The following CNTNAP2 variants were observed in gnomAD, a reference collection of about 807,000 sequenced individuals.
CNTNAP2 encodes the protein contactin associated protein 2, also known as contactin-associated protein-like 2.
CNTNAP2 carries 98 observed loss-of-function variants against 155.2 expected under a neutral mutation model. The observed-to-expected ratio is 0.63, with a 90% CI of 0.54 to 0.75. CNTNAP2 has a LOEUF of 0.75. CNTNAP2 is among the 30% of genes least tolerant of loss of function. The pLI, the probability that CNTNAP2 is intolerant of heterozygous loss-of-function variation, is 0.00. For missense variants in CNTNAP2, 1,727 were observed against 1,688.1 expected (o/e 1.02, Z -0.40); for synonymous variants, 651 against 631.2 (o/e 1.03, Z -0.47).
chr7:146,984,827 T>C lies in CNTNAP2; in HGVS notation c.403-59080T>C, dbSNP rs556391597. On this transcript the variant is annotated intron_variant, in intron 3 of 23. Coordinates refer to ENST00000361727, the MANE Select transcript of CNTNAP2 (RefSeq NM_014141.6). ...TGGCAGTGGAAATGCTATAAATCAG[T>C]ATTGAGGTCTGGCAATTTTGCATGC... is the stretch of plus-strand genomic sequence containing the variant. 2.0e-5 allele frequency among the ~76,000 whole-genome samples: 3 copies of C among 152,230 alleles called. No individual in the cohort carries two copies. The East Asian group carries it at 5.8e-4, about 29-fold the overall frequency.
At chr7:146,661,710 CTT>C (rs996666685) in intron 1 of CNTNAP2, among the ~76,000 whole-genome samples, 12 of 136,456 alleles carry the variant, frequency 8.8e-5, no homozygotes, top group African/African-American at 2.6e-4. Context: ...GAGAGTTTTT[CTT>C]TTTCTTTCTT....
At chr7:146,306,047 A>G (rs150311627) in intron 1 of CNTNAP2, among the ~76,000 whole-genome samples, 85 of 152,254 alleles carry the variant, frequency 5.6e-4, no homozygotes, top group Non-Finnish European at 1.0e-3. Flanking sequence ...AGACGCAATA[A>G]AAAATTATAA....
intron 15 of CNTNAP2, among the ~76,000 whole-genome samples, chr7:148,033,647 G>T (rs1465715841): frequency 1.3e-5 from 2 of 152,120 alleles, no homozygotes; most frequent in Admixed American, 1.3e-4. Context: ...TTAGATTTTT[G>T]ACTGCACATA....
At chr7:146,239,673 T>C (rs777499068) in intron 1 of CNTNAP2, among the ~76,000 whole-genome samples, 4 of 152,194 alleles carry the variant, frequency 2.6e-5, no homozygotes, top group African/African-American at 7.2e-5. Context: ...TTAATAATAA[T>C]GTCTTATACT....
At chr7:147,294,422 T>C (rs913983077) in intron 8 of CNTNAP2, among the ~76,000 whole-genome samples, 8 of 152,208 alleles carry the variant, frequency 5.3e-5, no homozygotes, top group Non-Finnish European at 1.2e-4. Flanking sequence ...GAACAAATCA[T>C]CTTCACCTTT....
intron 1 of CNTNAP2, among the ~76,000 whole-genome samples, chr7:146,771,243 G>A (rs564594327): frequency 6.6e-6 from 1 of 152,016 alleles, no homozygotes; most frequent in Non-Finnish European, 1.5e-5. Context: ...GCTCTACAAG[G>A]GCAGGGCATT....
intron 9 of CNTNAP2, among the ~76,000 whole-genome samples, chr7:147,331,295 G>A (rs1795562116): frequency 6.6e-6 from 1 of 152,108 alleles, no homozygotes; most frequent in Non-Finnish European, 1.5e-5. Context: ...CGCTGGCTTG[G>A]ACGACTAGTA....
chr7:146,958,068 G>T (rs1797472422), intron 3 of CNTNAP2, among the ~76,000 whole-genome samples: 3 of 152,022 alleles, frequency 2.0e-5, no homozygotes, highest in Non-Finnish European at 4.4e-5. Context: ...CTATTCATTT[G>T]GTTTCTACTG....
At chr7:147,002,103 A>C (rs1798435888) in intron 3 of CNTNAP2, among the ~76,000 whole-genome samples, 1 of 151,978 alleles carries the variant, frequency 6.6e-6, no homozygotes. Context: ...GTGTGATAAC[A>C]AATATTAAAA....
intron 1 of CNTNAP2, among the ~76,000 whole-genome samples, chr7:146,633,853 AAAACAG>A (rs1799553366): frequency 7.3e-6 from 1 of 136,194 alleles, no homozygotes; most frequent in Admixed American, 7.3e-5. Context: ...AAAAAAAAAA[AAAACAG>A]AAACGTCTAA....
At chr7:148,206,867 T>C (rs1346915042) in intron 18 of CNTNAP2, among the ~76,000 whole-genome samples, 1 of 152,210 alleles carries the variant, frequency 6.6e-6, no homozygotes, top group African/African-American at 2.4e-5. Context: ...TGTAGATTCC[T>C]ATTATTTTGT....
Position 146,770,317 on chromosome 7 carries a change from TACACAC to T in CNTNAP2, c.98-3926_98-3921del, listed in dbSNP as rs60507060. ...AATTATATATATATATGTGTGTGTA[TACACAC>T]ACACACACACACACACACACACACA... On this transcript the variant is annotated intron_variant, in intron 1 of 23. Transcript: ENST00000361727. Among the ~76,000 whole-genome samples the T allele has an allele frequency of 8.9e-3, 1,284 of 143,758 alleles. 7 individuals are homozygous for T. Among genetic ancestry groups the T allele is most frequent in the South Asian group, 0.022 (99 of 4,484 alleles). 94.3% of individuals were successfully genotyped at this position (143,758 alleles called of 152,430 possible). A position where few individuals can be genotyped will look rare whatever the true frequency, so the allele number is the denominator to read the frequency against.
Position 147,061,036 on chromosome 7 carries a change from T to A in CNTNAP2, c.550+16982T>A, listed in dbSNP as rs886650810. Among the ~76,000 whole-genome samples the A allele has an allele frequency of 1.6e-4, 25 of 152,134 alleles. 1 individual carries two copies. The highest frequency in any genetic ancestry group is 6.0e-4 in the African/African-American group (25 of 41,440). ...ATTACTATAATCGCTGAAAGACAAA[T>A]GCTGTATGATTCAACTTATATAAGG... On this transcript the variant is annotated intron_variant, in intron 4 of 23. Transcript: ENST00000361727.
chr7:147,758,019 T>C (rs1019949248), intron 13 of CNTNAP2, among the ~76,000 whole-genome samples: 4 of 152,104 alleles, frequency 2.6e-5, no homozygotes, highest in African/African-American at 9.7e-5. Flanking sequence ...AAAACTGTGA[T>C]GAAAGAAAAA....
At chr7:147,677,344 T>C (rs1038183849) in intron 13 of CNTNAP2, among the ~76,000 whole-genome samples, 5 of 151,924 alleles carry the variant, frequency 3.3e-5, no homozygotes, top group African/African-American at 1.2e-4. Flanking sequence ...ATTTTTAAAT[T>C]GAGCTATTTG....
At chr7:146,242,541 A>C (rs1473845054) in intron 1 of CNTNAP2, among the ~76,000 whole-genome samples, 1 of 151,850 alleles carries the variant, frequency 6.6e-6, no homozygotes, top group African/African-American at 2.4e-5. Context: ...CTGTCTCAAA[A>C]AAAAAAAAGG....
intron 1 of CNTNAP2, among the ~76,000 whole-genome samples, chr7:146,200,713 C>T (rs1416351288): frequency 6.6e-6 from 1 of 152,008 alleles, no homozygotes; most frequent in Admixed American, 6.6e-5. Context: ...GTAGATTATG[C>T]CATCTAGGAT....
chr7:147,596,018 T>C (rs745773454), intron 12 of CNTNAP2, among the ~76,000 whole-genome samples: 15 of 152,230 alleles, frequency 9.9e-5, no homozygotes, highest in Admixed American at 2.0e-4. Context: ...TGGCACTAAA[T>C]GCCGTCTTCA....
intron 13 of CNTNAP2, among the ~76,000 whole-genome samples, chr7:147,658,311 C>A (rs1434852708): frequency 2.6e-5 from 4 of 151,632 alleles, no homozygotes; most frequent in African/African-American, 9.7e-5. Context: ...TTTCCACAAA[C>A]CTAAGTCAGA....
Sources: allele counts gnomAD v4.1 joint callset (sites outside exome capture counted in the v4.1 genomes callset), GRCh38; gene constraint gnomAD v4.1.1; transcripts MANE v1.5; gene names NCBI Gene and HGNC (gene_info 2026-07-23, HGNC 2026-07-21).